The following ZXDC variants were observed in gnomAD, a reference collection of about 807,000 sequenced individuals.
ZXDC encodes ZXD family zinc finger C.
ZXDC carries 58 observed loss-of-function variants against 63.6 expected under a neutral mutation model. The ratio of observed to expected loss-of-function variants is 0.91; its 90% CI spans 0.74 to 1.13. ZXDC has a LOEUF of 1.13. ZXDC is among the 50% of genes most tolerant of loss of function. The pLI, the probability that ZXDC is intolerant of heterozygous loss-of-function variation, is 0.00. For missense variants in ZXDC, 1,133 were observed against 1,148.9 expected (o/e 0.99, Z 0.20); for synonymous variants, 561 against 496.1 (o/e 1.13, Z -1.74).
intron 3 of ZXDC, 93 bp from the exon 4 acceptor site, chr3:126,471,118 G>A: frequency 1.3e-6 from 2 of 1,487,120 alleles, no homozygotes; most frequent in Non-Finnish European, 1.8e-6. Flanking sequence ...CACAAACTTT[G>A]CATTTACAAA....
intron 7 of ZXDC, chr3:126,451,686 C>A: frequency 1.0e-6 from 1 of 985,430 alleles, no homozygotes; most frequent in Non-Finnish European, 1.2e-6. Flanking sequence ...TGAGCACCAA[C>A]CGGCTGTGTC....
At chr3:126,471,927 C>A in intron 3 of ZXDC, 46 bp downstream of exon 3, 2 of 1,494,242 alleles carry the variant, frequency 1.3e-6, no homozygotes, top group South Asian at 1.2e-5. Context: ...GCTGACAAAC[C>A]ACTCATTTTC....
chr3:126,464,894 C>G (rs1934695598), intron 5 of ZXDC, among the ~76,000 whole-genome samples: 1 of 152,214 alleles, frequency 6.6e-6, no homozygotes, highest in Non-Finnish European at 1.5e-5. Flanking sequence ...TGAACGGCAA[C>G]TGCTGTAAAC....
In ZXDC at chr3:126,441,346, C is replaced by T. The variant is rs1233280530; in HGVS notation, c.2394+419G>A. The T allele has an allele frequency of 3.0e-6, 3 of 1,013,198 alleles. No homozygotes were observed. In the African/African-American group the frequency reaches 5.1e-5, roughly 17 times the overall value. The allele number at this position is 1,013,198 out of a possible 1,614,324, so 62.8% of individuals were successfully genotyped here. On this transcript the variant is annotated intron_variant, in intron 8 of 9. Coordinates refer to ENST00000389709, the MANE Select transcript of ZXDC (RefSeq NM_025112.5). ...TGCTAGTGCGCCACAAGCAGGCCGC[C>T]CTAGAAATGGGGTGGCTGAGACGGC...
Position 126,454,596 on chromosome 3 carries a change from G to C in ZXDC, c.2212+5057C>G, listed in dbSNP as rs147450067. The C allele has an allele frequency of 3.0e-6, 3 of 985,318 alleles. No individual in the cohort carries two copies. In the South Asian group the frequency reaches 1.4e-4, roughly 46 times the overall value. 61.0% of individuals were successfully genotyped at this position (985,318 alleles called of 1,614,324 possible). On this transcript the variant is annotated intron_variant, in intron 7 of 9. Transcript: ENST00000389709. ...TGTGCTTCCCATGTATTCAATCTTCGTCTCTTGAAAGGAGAGGTGCCCTCA... is the reference window on the plus strand; with the variant it reads ...TGTGCTTCCCATGTATTCAATCTTCCTCTCTTGAAAGGAGAGGTGCCCTCA...
chr3:126,452,239 G>T, intron 7 of ZXDC: 1 of 985,408 alleles, frequency 1.0e-6, no homozygotes, highest in Non-Finnish European at 1.2e-6. Context: ...AATCCTCTAT[G>T]TCATTTTCCG....
chr3:126,438,645 TGTA>T (rs2107623554), intron 9 of ZXDC, among the ~76,000 whole-genome samples, 184 bp from the exon 10 acceptor site: 1 of 152,336 alleles, frequency 6.6e-6, no homozygotes, highest in East Asian at 1.9e-4. Context: ...AATACTGTAC[TGTA>T]AATTTTTCAA....
chr3:126,439,802 TCTC>T, intron 8 of ZXDC, 75 bp from the exon 9 acceptor site: 2 of 1,485,052 alleles, frequency 1.3e-6, no homozygotes, highest in East Asian at 5.0e-5. Context: ...ACCTGAGAAG[TCTC>T]CTCCAGCTGC....
At position 126,475,555 on chromosome 3, in the gene ZXDC, A is replaced by T. The variant is rs1452984471; in HGVS notation, c.311T>A (p.Leu104Gln). Residue 104 changes from leucine to glutamine, a missense_variant, in exon 1 of 10, where the codon CTG (leucine) becomes CAG (glutamine). By Grantham distance (113) the Leu-to-Gln change is moderately radical. Transcript: ENST00000389709. ...QEAEPGSRVNLASRPEQGPSG... is the reference protein window; with the variant it reads ...QEAEPGSRVNQASRPEQGPSG... ...GGGGCCCTGCTCGGGGCGGCTCGCCAGGTTGACACGGGAGCCAGGCTCGGC... is the reference window on the plus strand; with the variant it reads ...GGGGCCCTGCTCGGGGCGGCTCGCCTGGTTGACACGGGAGCCAGGCTCGGC... 1 of 1,394,176 alleles carries T rather than the reference A, an allele frequency of 7.2e-7. No individual in the cohort carries two copies. 86.4% of individuals were successfully genotyped at this position (1,394,176 alleles called of 1,614,324 possible).
At chr3:126,467,801 C>T (rs1195813891) in intron 4 of ZXDC, among the ~76,000 whole-genome samples, 4 of 152,090 alleles carry the variant, frequency 2.6e-5, no homozygotes, top group Admixed American at 2.6e-4. Context: ...GGGTCCTGAG[C>T]ACGGATTTCT....
chr3:126,449,906 T>C (rs567307731), intron 7 of ZXDC, among the ~76,000 whole-genome samples: 8 of 152,202 alleles, frequency 5.3e-5, no homozygotes, highest in African/African-American at 1.7e-4. Flanking sequence ...CAAACCAAAG[T>C]GACAGCAGGA....
chr3:126,469,947 C>T (rs547145154), intron 4 of ZXDC, among the ~76,000 whole-genome samples: 34 of 152,170 alleles, frequency 2.2e-4, no homozygotes, highest in Non-Finnish European at 2.9e-4. Context: ...GTAAGGAAAC[C>T]AAGGCCCAGA....
chr3:126,453,478 C>T (rs997093114), intron 7 of ZXDC: 12 of 985,400 alleles, frequency 1.2e-5, no homozygotes, highest in Non-Finnish European at 1.4e-5. Flanking sequence ...GGCTACATCC[C>T]TTGTGTTCCA....
intron 4 of ZXDC, among the ~76,000 whole-genome samples, chr3:126,470,137 C>T (rs1934926212): frequency 6.6e-6 from 1 of 152,152 alleles, no homozygotes; most frequent in Non-Finnish European, 1.5e-5. Context: ...ACTGAGCCTT[C>T]AGTGTTTTAA....
chr3:126,463,534 G>C (rs151134165), intron 5 of ZXDC, among the ~76,000 whole-genome samples: 43 of 152,358 alleles, frequency 2.8e-4, no homozygotes, highest in African/African-American at 1.0e-3. Context: ...GGCAAGTTTA[G>C]GGTTTGTATA....
Position 126,460,434 on chromosome 3 carries a change from C to T in ZXDC, c.2128-697G>A, listed in dbSNP as rs182943384. 3 of 982,726 alleles carry T rather than the reference C, an allele frequency of 3.1e-6. No individual in the cohort carries two copies. The East Asian group carries it at 3.4e-4, about 112-fold the overall frequency. The allele number at this position is 982,726 out of a possible 1,614,324, so 60.9% of individuals were successfully genotyped here. A position where few individuals can be genotyped will look rare whatever the true frequency, so the allele number is the denominator to read the frequency against. On this transcript the variant is annotated intron_variant, in intron 6 of 9. Transcript: ENST00000389709. ...AGAGAAGCGAGGTAGCCCAACGTCA[C>T]ACAGCTAGCAAGAAAATGAACACGG...
chr3:126,457,322 A>G (rs1345416755), intron 7 of ZXDC: 1 of 985,320 alleles, frequency 1.0e-6, no homozygotes, highest in South Asian at 4.7e-5. Flanking sequence ...CACACAGAGG[A>G]GCGCTGTGCA....
At chr3:126,458,688 T>A in intron 7 of ZXDC, 2 of 985,496 alleles carry the variant, frequency 2.0e-6, no homozygotes, top group Non-Finnish European at 2.4e-6. Context: ...TCTTCAAGAT[T>A]ATCTACCAGG....
intron 5 of ZXDC, among the ~76,000 whole-genome samples, chr3:126,462,548 C>T (rs1382129914): frequency 6.6e-6 from 1 of 152,156 alleles, no homozygotes; most frequent in African/African-American, 2.4e-5. Flanking sequence ...CAACTGGTAA[C>T]AGCAAGAAGC....
Sources: allele counts gnomAD v4.1 joint callset (sites outside exome capture counted in the v4.1 genomes callset), GRCh38; gene constraint gnomAD v4.1.1; transcripts MANE v1.5; gene names NCBI Gene and HGNC (gene_info 2026-07-23, HGNC 2026-07-21).